Variants in TACR1 observed in about 807,000 individuals in gnomAD.
The protein encoded by TACR1 is substance-P receptor.
In TACR1, 25 loss-of-function variants were observed where a neutral mutation model predicts 35.8. The ratio of observed to expected loss-of-function variants is 0.70; its 90% confidence interval spans 0.51 to 0.98. The LOEUF is 0.98. Among genes scored for constraint, TACR1 ranks in the 50% least tolerant of loss-of-function variants. The probability of loss-of-function intolerance (pLI) is 0.00; values close to 1 mark genes in which losing one functional copy is unlikely to be tolerated. For missense variants in TACR1, 478 were observed against 522.9 expected (o/e 0.91, Z 0.84); for synonymous variants, 195 against 206.7 (o/e 0.94, Z 0.48).
rs534859336 is a variant in TACR1 at position 75,134,737 on chromosome 2, G to A, written c.390-13969C>T. ...TAGATGCTTATCAGGAGTCAGTATTGTATCTTCTATTTCATTGAATCCCCA... is the reference window on the plus strand; with the variant it reads ...TAGATGCTTATCAGGAGTCAGTATTATATCTTCTATTTCATTGAATCCCCA... On this transcript the variant is annotated intron_variant, in intron 1 of 4. Transcript: ENST00000305249. Among the ~76,000 whole-genome samples the A allele has an allele frequency of 7.9e-5, 12 of 152,286 alleles. No individual in the cohort carries two copies. The South Asian group carries it at 2.5e-3, about 32-fold the overall frequency.
At chr2:75,133,083 C>G (rs1674210098) in intron 1 of TACR1, among the ~76,000 whole-genome samples, 1 of 152,170 alleles carries the variant, frequency 6.6e-6, no homozygotes, top group Admixed American at 6.5e-5. Context: ...TTTCTTGTCC[C>G]CATACTCTGT....
At chr2:75,145,209 TATAAG>T (rs1357814280) in intron 1 of TACR1, among the ~76,000 whole-genome samples, 1 of 152,136 alleles carries the variant, frequency 6.6e-6, no homozygotes. Context: ...TCACTTCTAA[TATAAG>T]ATAGAAATAG....
At chr2:75,152,980 G>A (rs1572961014) in intron 1 of TACR1, among the ~76,000 whole-genome samples, 1 of 152,208 alleles carries the variant, frequency 6.6e-6, no homozygotes, top group African/African-American at 2.4e-5. Flanking sequence ...TCGGCTCACT[G>A]CAACCTCTGC....
chr2:75,140,699 A>G (rs1411098156), intron 1 of TACR1, among the ~76,000 whole-genome samples: 1 of 152,206 alleles, frequency 6.6e-6, no homozygotes, highest in African/African-American at 2.4e-5. Flanking sequence ...CAGTGGCTTT[A>G]TATCTTGTCT....
intron 1 of TACR1, among the ~76,000 whole-genome samples, chr2:75,140,236 T>C (rs1674376013): frequency 6.6e-6 from 1 of 152,014 alleles, no homozygotes. Context: ...TGGGTGGATG[T>C]AAGTACACAC....
At chr2:75,118,978 T>C (rs1673914992) in intron 2 of TACR1, 1 of 152,254 alleles carries the variant, frequency 6.6e-6, no homozygotes, top group Admixed American at 6.5e-5. Context: ...AGGCTGAGCA[T>C]TAATCCCTCC....
intron 1 of TACR1, among the ~76,000 whole-genome samples, chr2:75,130,458 T>C (rs916657871): frequency 6.6e-6 from 1 of 152,138 alleles, no homozygotes; most frequent in African/African-American, 2.4e-5. Context: ...CTCTGGAGAG[T>C]ATGAAGATTA....
At chr2:75,080,815 G>C (rs1558546118) in intron 2 of TACR1, among the ~76,000 whole-genome samples, 1 of 152,278 alleles carries the variant, frequency 6.6e-6, no homozygotes, top group Non-Finnish European at 1.5e-5. Context: ...TGTTGTTGAT[G>C]TAATTATTAC....
At chr2:75,190,092 C>A (rs1675805364) in intron 1 of TACR1, 1 of 152,104 alleles carries the variant, frequency 6.6e-6, no homozygotes, top group Non-Finnish European at 1.5e-5. Flanking sequence ...AAGAAAACTT[C>A]CATGATTTAT....
At chr2:75,081,985 T>A (rs1558546528) in intron 2 of TACR1, among the ~76,000 whole-genome samples, 1 of 151,994 alleles carries the variant, frequency 6.6e-6, no homozygotes. Flanking sequence ...GTTTGTTACA[T>A]ATGTATACAT....
At chr2:75,077,108 T>C (rs754660889) in intron 2 of TACR1, among the ~76,000 whole-genome samples, 15 of 152,106 alleles carry the variant, frequency 9.9e-5, no homozygotes, top group African/African-American at 3.6e-4. Context: ...GTAGCTTGGA[T>C]TACAGGCATG....
Position 75,199,136 on chromosome 2 carries a change from T to A in TACR1, c.-202A>T. The A allele has an allele frequency of 1.7e-6, 1 of 602,992 alleles. No homozygotes were observed. The highest frequency in any genetic ancestry group is 2.8e-6 in the Non-Finnish European group (1 of 353,416). 37.4% of individuals were successfully genotyped at this position (602,992 alleles called of 1,614,324 possible). On this transcript the variant is annotated 5_prime_UTR_variant, in exon 1 of 5. Transcript: ENST00000305249. ...GGATGCACTGCCCGCCTGCCCGCGG[T>A]GGCTCTGAATTCCTCCACTTTCAAG...
chr2:75,168,129 A>G (rs774585209), intron 1 of TACR1, among the ~76,000 whole-genome samples: 4 of 152,238 alleles, frequency 2.6e-5, no homozygotes, highest in African/African-American at 9.6e-5. Context: ...CAGACTATGT[A>G]GAAGAATACT....
intron 1 of TACR1, among the ~76,000 whole-genome samples, chr2:75,193,356 A>G (rs571343591): frequency 6.6e-6 from 1 of 152,216 alleles, no homozygotes. Flanking sequence ...CTTCACTGCC[A>G]TCTAATTTTA....
chr2:75,099,283 A>G (rs1200278013), intron 2 of TACR1, among the ~76,000 whole-genome samples: 2 of 152,208 alleles, frequency 1.3e-5, no homozygotes, highest in Middle Eastern at 3.4e-3. Flanking sequence ...TGCATCAGTT[A>G]TCTGCATCCT....
In TACR1 at chr2:75,049,551, G is replaced by A. The variant is rs776875476; in HGVS notation, c.1105C>T (p.Pro369Ser). The A allele has an allele frequency of 6.2e-7, 1 of 1,614,150 alleles. No individual in the cohort carries two copies. Among genetic ancestry groups the A allele is most frequent in the Non-Finnish European group, 8.5e-7 (1 of 1,179,994 alleles). ...STVVGAHEEEPEDGPKATPSS... is the reference protein window; with the variant it reads ...STVVGAHEEESEDGPKATPSS... ...GGTGTGGCCTTGGGGCCGTCCTCTGGCTCCTCCTCGTGGGCCCCCACCACT... is the reference window on the plus strand; with the variant it reads ...GGTGTGGCCTTGGGGCCGTCCTCTGACTCCTCCTCGTGGGCCCCCACCACT... The change falls in exon 5 of 5, where the codon CCA becomes TCA. Residue 369 changes from proline (P) to serine (S), a missense_variant. Coordinates refer to ENST00000305249, the MANE Select transcript of TACR1 (RefSeq NM_001058.4).
intron 4 of TACR1, 60 bp from the exon 5 acceptor site, chr2:75,049,783 A>T: frequency 6.5e-7 from 1 of 1,533,698 alleles, no homozygotes; most frequent in Non-Finnish European, 8.8e-7. Flanking sequence ...AGGGCTGCCC[A>T]CCACTGCATC....
chr2:75,173,527 T>C (rs568658709), intron 1 of TACR1, among the ~76,000 whole-genome samples: 1 of 152,270 alleles, frequency 6.6e-6, no homozygotes, highest in East Asian at 1.9e-4. Flanking sequence ...TTTGGTCTAC[T>C]TGACAAATAA....
At chr2:75,184,570 G>A (rs1489773729) in intron 1 of TACR1, among the ~76,000 whole-genome samples, 2 of 151,464 alleles carry the variant, frequency 1.3e-5, no homozygotes, top group Non-Finnish European at 2.9e-5. Context: ...CTGAATTACA[G>A]GACTTATTAA....
Sources: allele counts gnomAD v4.1 joint callset (sites outside exome capture counted in the v4.1 genomes callset), GRCh38; gene constraint gnomAD v4.1.1; transcripts MANE v1.5; gene names NCBI Gene and HGNC (gene_info 2026-07-23, HGNC 2026-07-21).